ULK2: variants seen among roughly 807,000 people sequenced by gnomAD.
ULK2 encodes the protein serine/threonine-protein kinase ULK2.
ULK2 carries 76 observed loss-of-function variants against 127.5 expected under a neutral mutation model. The ratio of observed to expected loss-of-function variants is 0.60; its 90% confidence interval spans 0.50 to 0.72. The LOEUF (loss-of-function observed/expected upper bound fraction) is 0.72. ULK2 is among the 30% of genes least tolerant of loss of function. The probability of loss-of-function intolerance (pLI) is 0.00; values close to 1 mark genes in which losing one functional copy is unlikely to be tolerated. For synonymous variants in ULK2, 452 were observed against 461.9 expected (o/e 0.98, Z 0.28); for missense variants, 1,144 against 1,295.9 (o/e 0.88, Z 1.80).
At chr17:19,842,836 G>A (rs1219563376) in intron 8 of ULK2, among the ~76,000 whole-genome samples, 3 of 152,098 alleles carry the variant, frequency 2.0e-5, no homozygotes, top group African/African-American at 7.2e-5. Flanking sequence ...TAACTAGGAA[G>A]CTCTGGTGTC....
Position 19,795,603 on chromosome 17 carries a change from G to C in ULK2, c.2101+19C>G. 1 of 1,603,962 alleles carries C rather than the reference G, an allele frequency of 6.2e-7. No individual in the cohort carries two copies. Among genetic ancestry groups the C allele is most frequent in the Non-Finnish European group, 8.5e-7 (1 of 1,171,334 alleles). On this transcript the variant is annotated intron_variant, in intron 20 of 26. Coordinates refer to ENST00000395544, the MANE Select transcript of ULK2 (RefSeq NM_014683.4). Reference sequence around the variant, plus strand: ...TGCTAGCAAATTACCTGCCTAAAAAGAAACTACATTTTTCTTACCTATATC... The same window carrying C: ...TGCTAGCAAATTACCTGCCTAAAAACAAACTACATTTTTCTTACCTATATC...
At chr17:19,825,406 C>T (rs2041262983) in intron 11 of ULK2, among the ~76,000 whole-genome samples, 1 of 152,104 alleles carries the variant, frequency 6.6e-6, no homozygotes, top group African/African-American at 2.4e-5. Flanking sequence ...ATAAACACAA[C>T]CGTAGGTATC....
chr17:19,849,902 G>C, intron 3 of ULK2, 128 bp from the exon 4 acceptor site: 2 of 573,352 alleles, frequency 3.5e-6, no homozygotes, highest in South Asian at 6.6e-5. Flanking sequence ...AAATCTATTA[G>C]AAAGTGAAAT....
intron 8 of ULK2, among the ~76,000 whole-genome samples, chr17:19,842,332 G>C (rs1205859920): frequency 6.6e-6 from 1 of 151,274 alleles, no homozygotes; most frequent in Non-Finnish European, 1.5e-5. Context: ...CTAGTAGCTG[G>C]GATTACAGGC....
intron 6 of ULK2, 111 bp from the exon 7 acceptor site, chr17:19,845,488 A>G (rs1400695314): frequency 1.2e-6 from 1 of 803,254 alleles, no homozygotes; most frequent in East Asian, 2.7e-5. Context: ...TGAAAAATAA[A>G]CAGCTTATTG....
chr17:19,845,097 T>C (rs1020467363), intron 7 of ULK2, among the ~76,000 whole-genome samples: 1 of 152,144 alleles, frequency 6.6e-6, no homozygotes, highest in African/African-American at 2.4e-5. Context: ...TAAAAACAAA[T>C]GGGCAAAAAT....
At chr17:19,791,844 C>CAAAAAAAAAAAAAAAAAAAAA (rs58434256) in intron 20 of ULK2, among the ~76,000 whole-genome samples, 1 of 48,248 alleles carries the variant, frequency 2.1e-5, no homozygotes. Context: ...ACCCTGTTTA[C>CAAAAAAAAAAAAAAAAAAAAA]AAAAAAAAAA....
In ULK2 at chr17:19,847,345, T is replaced by C. The variant is rs190682758; in HGVS notation, c.296-435A>G. 5.1e-3 allele frequency among the ~76,000 whole-genome samples: 773 copies of C among 152,232 alleles called. 5 individuals carry two copies. The highest frequency in any genetic ancestry group is 0.018 in the African/African-American group (741 of 41,538). ...GAGCACAAATTAAAAACAAGCAAAA[T>C]CTTTGACCAGAGGGATCAGATACTA... On this transcript the variant is annotated intron_variant, in intron 5 of 26. Coordinates refer to ENST00000395544, the MANE Select transcript of ULK2 (RefSeq NM_014683.4).
chr17:19,863,319 A>G (rs2042282261), intron 3 of ULK2, among the ~76,000 whole-genome samples: 1 of 152,092 alleles, frequency 6.6e-6, no homozygotes, highest in Non-Finnish European at 1.5e-5. Flanking sequence ...TAACATATAC[A>G]TTTACCTTAC....
At chr17:19,810,519 G>T in intron 13 of ULK2, 81 bp from the exon 14 acceptor site, 1 of 833,744 alleles carries the variant, frequency 1.2e-6, no homozygotes, top group Non-Finnish European at 1.9e-6. Flanking sequence ...ATGATTATTA[G>T]GATTTCATGC....
chr17:19,801,655 T>C, intron 16 of ULK2, 122 bp downstream of exon 16: 1 of 1,278,742 alleles, frequency 7.8e-7, no homozygotes, highest in Non-Finnish European at 1.1e-6. Flanking sequence ...GGACGGGGTA[T>C]GGCCTCCAAT....
intron 10 of ULK2, among the ~76,000 whole-genome samples, chr17:19,832,699 C>T (rs762508474): frequency 6.6e-6 from 1 of 152,126 alleles, no homozygotes; most frequent in Non-Finnish European, 1.5e-5. Flanking sequence ...GGGGTGACCC[C>T]TAGGAAACTG....
chr17:19,790,784 A>G (rs1257549959), intron 20 of ULK2, among the ~76,000 whole-genome samples: 1 of 152,230 alleles, frequency 6.6e-6, no homozygotes, highest in African/African-American at 2.4e-5. Flanking sequence ...ACCTATAGAG[A>G]CACATGTAGA....
intron 19 of ULK2, 80 bp from the exon 20 acceptor site, chr17:19,795,805 G>A (rs560151854): frequency 2.3e-6 from 3 of 1,316,584 alleles, no homozygotes; most frequent in African/African-American, 1.5e-5. Flanking sequence ...GTTAGAGAAT[G>A]AGGAAACAAG....
At chr17:19,849,625 A>G (rs576801971) in intron 4 of ULK2, 117 bp downstream of exon 4, 1 of 849,120 alleles carries the variant, frequency 1.2e-6, no homozygotes, top group African/African-American at 1.8e-5. Flanking sequence ...ATCTACTACC[A>G]ATTTTAAAGT....
chr17:19,865,586 GT>G, intron 2 of ULK2, 149 bp downstream of exon 2: 1 of 498,344 alleles, frequency 2.0e-6, no homozygotes, highest in Non-Finnish European at 3.6e-6. Flanking sequence ...AGTACTCAAT[GT>G]TTTAAAAAAG....
At chr17:19,829,988 G>A (rs1190091508) in intron 10 of ULK2, among the ~76,000 whole-genome samples, 2 of 152,116 alleles carry the variant, frequency 1.3e-5, no homozygotes, top group Non-Finnish European at 2.9e-5. Flanking sequence ...AATAGTTGGA[G>A]ACTTCAATAT....
chr17:19,861,642 A>C (rs1159863385), intron 3 of ULK2, among the ~76,000 whole-genome samples: 1 of 152,260 alleles, frequency 6.6e-6, no homozygotes, highest in Non-Finnish European at 1.5e-5. Context: ...TGGGAAACTA[A>C]AGAGTTAACA....
chr17:19,806,090 A>G (rs947290001), intron 14 of ULK2, among the ~76,000 whole-genome samples: 1 of 152,208 alleles, frequency 6.6e-6, no homozygotes, highest in Non-Finnish European at 1.5e-5. Flanking sequence ...CCAAAAACAC[A>G]AACCCTCTAC....
Sources: gnomAD v4.1 joint callset for allele counts (sites outside exome capture counted in the v4.1 genomes callset) on GRCh38, gnomAD v4.1.1 for gene constraint, MANE v1.5 for transcripts, NCBI Gene and HGNC (gene_info 2026-07-23, HGNC 2026-07-21) for gene names.